Variants in ADARB1 observed in about 807,000 individuals in gnomAD.
The protein encoded by ADARB1 is adenosine deaminase RNA specific B1.
A neutral mutation model predicts 52.4 loss-of-function variants in ADARB1; 10 were observed. The observed-to-expected ratio is 0.19, with a 90% CI of 0.12 to 0.32. The LOEUF is 0.32. Ranked by LOEUF, ADARB1 falls within the 10% of genes least tolerant of loss-of-function variation. The probability of loss-of-function intolerance (pLI) is 1.00; values close to 1 mark genes in which losing one functional copy is unlikely to be tolerated. For missense variants in ADARB1, 643 were observed against 922.3 expected, an observed-to-expected ratio of 0.70 and a Z score of 3.92; for synonymous variants, 349 against 371.1, an observed-to-expected ratio of 0.94 and a Z score of 0.68.
chr21:45,189,366 T>A (rs563197183), intron 8 of ADARB1, among the ~76,000 whole-genome samples: 1 of 152,344 alleles, frequency 6.6e-6, no homozygotes, highest in African/African-American at 2.4e-5. Context: ...ACTTCTTTAC[T>A]TCCACCCCTT....
At chr21:45,190,654 T>C (rs1461358039) in intron 8 of ADARB1, among the ~76,000 whole-genome samples, 4 of 152,250 alleles carry the variant, frequency 2.6e-5, no homozygotes, top group Non-Finnish European at 2.9e-5. Context: ...CTTATGCTTT[T>C]TCTGATTTCC....
At chr21:45,087,885 C>G (rs1187333010) in intron 1 of ADARB1, among the ~76,000 whole-genome samples, 2 of 152,174 alleles carry the variant, frequency 1.3e-5, no homozygotes, top group Admixed American at 6.5e-5. Flanking sequence ...GAGAACTGTA[C>G]AAAATAGTAG....
At chr21:45,102,873 ACTTC>A (rs1026444352) in intron 1 of ADARB1, among the ~76,000 whole-genome samples, 1 of 152,168 alleles carries the variant, frequency 6.6e-6, no homozygotes, top group African/African-American at 2.4e-5. Flanking sequence ...GTGCAGAGCA[ACTTC>A]CTTCCAGAGA....
chr21:45,076,753 G>T (rs1448432896), intron 1 of ADARB1, among the ~76,000 whole-genome samples: 3 of 152,194 alleles, frequency 2.0e-5, no homozygotes, highest in Non-Finnish European at 4.4e-5. Flanking sequence ...TTTGGAATAA[G>T]AATTTTTTTA....
At chr21:45,193,795 T>C (rs867969045) in intron 8 of ADARB1, among the ~76,000 whole-genome samples, 36 of 152,226 alleles carry the variant, frequency 2.4e-4, no homozygotes, top group African/African-American at 7.0e-4. Context: ...AAGCTGTATA[T>C]TGAAAACTGT....
intron 1 of ADARB1, among the ~76,000 whole-genome samples, chr21:45,076,261 T>C (rs1206771958): frequency 6.6e-6 from 1 of 152,186 alleles, no homozygotes; most frequent in Non-Finnish European, 1.5e-5. Context: ...TGTCTCTCAT[T>C]GCGCGGTTCC....
chr21:45,192,733 A>G (rs1395790503), intron 8 of ADARB1, among the ~76,000 whole-genome samples: 2 of 152,202 alleles, frequency 1.3e-5, no homozygotes, highest in African/African-American at 2.4e-5. Context: ...AAAATTACCA[A>G]TATCGGAATG....
At chr21:45,191,574 C>T (rs568798339) in intron 8 of ADARB1, among the ~76,000 whole-genome samples, 1 of 152,052 alleles carries the variant, frequency 6.6e-6, no homozygotes, top group South Asian at 2.1e-4. Context: ...CTGATGTTGA[C>T]CACCTTTTTG....
intron 2 of ADARB1, among the ~76,000 whole-genome samples, chr21:45,148,380 G>A (rs368807094): frequency 1.3e-5 from 2 of 152,234 alleles, no homozygotes; most frequent in East Asian, 3.8e-4. Context: ...GACGGCCCCA[G>A]TATTGTCAGC....
rs537859927 is a variant in ADARB1, at chr21:45,130,639, C to T, written c.-48+2066C>T. Among the ~76,000 whole-genome samples, 14 of 152,252 alleles carry T rather than the reference C, an allele frequency of 9.2e-5. No homozygotes were observed. The East Asian group carries it at 2.1e-3, about 23-fold the overall frequency. On this transcript the variant is annotated intron_variant, in intron 2 of 10. Transcript: ENST00000348831. ...GCTGGAACATCTTTGGAAGCACGGC[C>T]GTCCTCAGCCTCACTGCACTGTCTG...
intron 8 of ADARB1, among the ~76,000 whole-genome samples, chr21:45,192,190 G>A (rs1393850969): frequency 6.6e-6 from 1 of 152,058 alleles, no homozygotes; most frequent in Non-Finnish European, 1.5e-5. Flanking sequence ...GTCAGCTAAT[G>A]CAGTCAGAAA....
chr21:45,130,996 C>T (rs896517348), intron 2 of ADARB1, among the ~76,000 whole-genome samples: 20 of 152,168 alleles, frequency 1.3e-4, no homozygotes, highest in African/African-American at 4.3e-4. Context: ...TGCCACCCCA[C>T]ACCACATCTT....
chr21:45,206,652 C>T (rs1035559515), intron 9 of ADARB1, among the ~76,000 whole-genome samples: 2 of 142,380 alleles, frequency 1.4e-5, no homozygotes, highest in Admixed American at 7.6e-5. Context: ...TGGCTCACTG[C>T]AGCCTCCACT....
intron 2 of ADARB1, among the ~76,000 whole-genome samples, chr21:45,168,042 T>A (rs1362753744): frequency 8.5e-5 from 13 of 152,162 alleles, no homozygotes; most frequent in Non-Finnish European, 1.5e-5. Flanking sequence ...ATAGCCCTTC[T>A]CGGAGGTGTG....
At chr21:45,078,830 G>C (rs752792205) in intron 1 of ADARB1, among the ~76,000 whole-genome samples, 1 of 152,186 alleles carries the variant, frequency 6.6e-6, no homozygotes, top group African/African-American at 2.4e-5. Context: ...CTTACAATAT[G>C]CCAGGCTGTT....
chr21:45,190,354 G>T (rs2092247964), intron 8 of ADARB1, among the ~76,000 whole-genome samples: 2 of 151,996 alleles, frequency 1.3e-5, no homozygotes, highest in South Asian at 4.1e-4. Context: ...TTCTTATTTT[G>T]TTTAGTTGTC....
intron 2 of ADARB1, among the ~76,000 whole-genome samples, chr21:45,132,592 G>A (rs2089021178): frequency 6.6e-6 from 1 of 152,140 alleles, no homozygotes; most frequent in South Asian, 2.1e-4. Context: ...GGCTCCCCAG[G>A]GCACAGATCC....
intron 9 of ADARB1, among the ~76,000 whole-genome samples, chr21:45,207,441 T>A (rs954991112): frequency 6.6e-6 from 1 of 152,108 alleles, no homozygotes; most frequent in African/African-American, 2.4e-5. Flanking sequence ...GCTTCAGAAT[T>A]GAAGCCGAAG....
intron 9 of ADARB1, among the ~76,000 whole-genome samples, chr21:45,207,567 C>A (rs1005775200): frequency 6.6e-6 from 1 of 152,108 alleles, no homozygotes; most frequent in Non-Finnish European, 1.5e-5. Context: ...AAAATGGGTC[C>A]CAAAGCAAAG....
Sources: gnomAD v4.1 joint callset for allele counts (sites outside exome capture counted in the v4.1 genomes callset) on GRCh38, gnomAD v4.1.1 for gene constraint, MANE v1.5 for transcripts, NCBI Gene and HGNC (gene_info 2026-07-23, HGNC 2026-07-21) for gene names.